COL19A1: variants seen among roughly 807,000 people sequenced by gnomAD.
COL19A1 encodes the protein collagen type XIX alpha 1 chain.
In COL19A1, 159 loss-of-function variants were observed where a neutral mutation model predicts 190.2. That is an observed-to-expected ratio of 0.84 (90% CI 0.73 to 0.95). The LOEUF (loss-of-function observed/expected upper bound fraction) is 0.95. Among genes scored for constraint, COL19A1 ranks in the 40% least tolerant of loss-of-function variants. The pLI, the probability that COL19A1 is intolerant of heterozygous loss-of-function variation, is 0.00. For synonymous variants in COL19A1, 509 were observed against 458.9 expected, an observed-to-expected ratio of 1.11 and a Z score of -1.39; for missense variants, 1,418 against 1,431.9, an observed-to-expected ratio of 0.99 and a Z score of 0.16.
chr6:69,990,385 A>G (rs1392006461), intron 11 of COL19A1, among the ~76,000 whole-genome samples: 1 of 152,116 alleles, frequency 6.6e-6, no homozygotes, highest in Non-Finnish European at 1.5e-5. Context: ...ATCATTAAGT[A>G]GTCATTTGGT....
chr6:70,035,893 A>C lies in COL19A1; in HGVS notation c.1135-11A>C, dbSNP rs746317913. 1.9e-6 allele frequency: 3 copies of C among 1,611,786 alleles called. No individual in the cohort carries two copies. The South Asian group carries it at 3.3e-5, about 18-fold the overall frequency. ...TAGTGGTAATTGTAGCTTTTCTTTA[A>C]TCTATTTTAGGGAGATACAGGACCC... On this transcript the variant is annotated splice_polypyrimidine_tract_variant and intron_variant, in intron 13 of 50. Transcript: ENST00000620364.
intron 4 of COL19A1, among the ~76,000 whole-genome samples, chr6:69,913,923 C>T (rs1289119138): frequency 6.6e-6 from 1 of 151,684 alleles, no homozygotes; most frequent in Non-Finnish European, 1.5e-5. Flanking sequence ...ATTTAGAGGA[C>T]CTTTTGCGGG....
chr6:70,193,841 C>CT (rs1486909005), intron 48 of COL19A1, among the ~76,000 whole-genome samples: 1 of 152,164 alleles, frequency 6.6e-6, no homozygotes, highest in African/African-American at 2.4e-5. Context: ...TTAGAAATCA[C>CT]TTTTTCCATG....
chr6:70,179,405 A>C (rs1766024606), intron 42 of COL19A1, among the ~76,000 whole-genome samples: 1 of 152,138 alleles, frequency 6.6e-6, no homozygotes, highest in African/African-American at 2.4e-5. Flanking sequence ...CTGCACACTC[A>C]GGCCTTGTGT....
chr6:70,100,637 C>T (rs1229092620), intron 15 of COL19A1, among the ~76,000 whole-genome samples: 1 of 149,804 alleles, frequency 6.7e-6, no homozygotes, highest in East Asian at 2.0e-4. Flanking sequence ...GGATTACAGG[C>T]ACATACCACC....
At chr6:69,907,032 T>C (rs1400569608) in intron 4 of COL19A1, among the ~76,000 whole-genome samples, 2 of 151,988 alleles carry the variant, frequency 1.3e-5, no homozygotes, top group Non-Finnish European at 1.5e-5. Flanking sequence ...TCTTTTCTAT[T>C]GTTGAATGAT....
chr6:70,148,615 A>C (rs1786827226), intron 27 of COL19A1, among the ~76,000 whole-genome samples: 1 of 152,160 alleles, frequency 6.6e-6, no homozygotes, highest in African/African-American at 2.4e-5. Context: ...AATTAAGCCA[A>C]GTAAAAACTT....
intron 10 of COL19A1, among the ~76,000 whole-genome samples, chr6:69,960,878 G>A (rs1005777942): frequency 1.2e-4 from 18 of 151,848 alleles, no homozygotes; most frequent in East Asian, 3.9e-4. Context: ...TGATCCACCC[G>A]CCTCGGCCTC....
chr6:70,174,457 G>A (rs1174325974), intron 41 of COL19A1, among the ~76,000 whole-genome samples: 1 of 152,136 alleles, frequency 6.6e-6, no homozygotes, highest in Admixed American at 6.5e-5. Flanking sequence ...CTACTCAGGA[G>A]GCTGAGGCAG....
At chr6:70,160,749 C>G (rs753536975) in intron 34 of COL19A1, among the ~76,000 whole-genome samples, 4 of 152,108 alleles carry the variant, frequency 2.6e-5, no homozygotes, top group Non-Finnish European at 5.9e-5. Flanking sequence ...ACTAAAGTTT[C>G]TGATAAAACT....
chr6:70,177,425 C>T (rs1168791061), intron 42 of COL19A1, among the ~76,000 whole-genome samples: 1 of 152,088 alleles, frequency 6.6e-6, no homozygotes, highest in African/African-American at 2.4e-5. Context: ...TCATCTCCCA[C>T]TGCCATCCCA....
At chr6:70,043,135 G>A (rs1779714643) in intron 14 of COL19A1, among the ~76,000 whole-genome samples, 1 of 151,512 alleles carries the variant, frequency 6.6e-6, no homozygotes, top group Non-Finnish European at 1.5e-5. Context: ...TTTTGCCCAG[G>A]TTCATCAGAG....
At chr6:69,887,204 C>T (rs541822834) in intron 2 of COL19A1, among the ~76,000 whole-genome samples, 57 of 152,280 alleles carry the variant, frequency 3.7e-4, no homozygotes, top group African/African-American at 1.3e-3. Flanking sequence ...TGGAAAGCCC[C>T]TTTCTACTAT....
intron 11 of COL19A1, among the ~76,000 whole-genome samples, chr6:69,989,478 T>C (rs1776491889): frequency 6.6e-6 from 1 of 151,886 alleles, no homozygotes; most frequent in Non-Finnish European, 1.5e-5. Context: ...ATCAAGCTTG[T>C]CCCAACCACG....
intron 11 of COL19A1, among the ~76,000 whole-genome samples, chr6:70,003,554 C>T (rs909006814): frequency 6.6e-6 from 1 of 152,160 alleles, no homozygotes. Context: ...TCTGCGTGCT[C>T]CTGTATTGGG....
chr6:69,870,501 T>A (rs756925381), intron 1 of COL19A1, among the ~76,000 whole-genome samples: 1 of 152,172 alleles, frequency 6.6e-6, no homozygotes, highest in African/African-American at 2.4e-5. Flanking sequence ...GGAAGGACTT[T>A]CCAGTAGCCA....
chr6:70,102,347 G>C, intron 16 of COL19A1, 125 bp downstream of exon 16: 1 of 741,086 alleles, frequency 1.3e-6, no homozygotes, highest in Non-Finnish European at 2.4e-6. Context: ...AGAATGACTG[G>C]TTTCAGCATT....
In COL19A1 at chr6:70,153,323, A is replaced by T. The variant is rs188747512; in HGVS notation, c.2079+1885A>T. The stretch of plus-strand genomic sequence containing the variant: ...CAAAAATATCTTTGATTAAAGTATT[A>T]AAAAGAACTGGCATAATTACAGGCA... On this transcript the variant is annotated intron_variant, in intron 31 of 50. Transcript: ENST00000620364. 9.3e-4 allele frequency among the ~76,000 whole-genome samples: 142 copies of T among 152,276 alleles called. 1 individual carries two copies. The Middle Eastern group carries it at 0.034, about 36-fold the overall frequency.
rs1391060578 is a variant in COL19A1 at position 70,097,908 on chromosome 6, C to CA, written c.1225-4261_1225-4260insA. ...CCACCCTAACCAGGAAGACTTATTC[C>CA]GGCTCAGCAGATATCTGACTTATCT... On this transcript the variant is annotated intron_variant, in intron 15 of 50. Coordinates refer to ENST00000620364, the MANE Select transcript of COL19A1 (RefSeq NM_001858.6). 2.0e-5 allele frequency among the ~76,000 whole-genome samples: 3 copies of CA among 152,228 alleles called. No homozygotes were observed. In the East Asian group the frequency reaches 5.8e-4, roughly 29 times the overall value.
Sources: gnomAD v4.1 joint callset for allele counts (sites outside exome capture counted in the v4.1 genomes callset) on GRCh38, gnomAD v4.1.1 for gene constraint, MANE v1.5 for transcripts, NCBI Gene and HGNC (gene_info 2026-07-23, HGNC 2026-07-21) for gene names.